Variants in MED16 observed in about 807,000 individuals in gnomAD.
The protein encoded by MED16 is mediator of RNA polymerase II transcription subunit 16.
In MED16, 81 loss-of-function variants were observed where a neutral mutation model predicts 84.4. The ratio of observed to expected loss-of-function variants is 0.96; its 90% confidence interval spans 0.80 to 1.15. MED16 has a LOEUF of 1.15. Among genes scored for constraint, MED16 ranks in the 50% most tolerant of loss-of-function variants. The pLI, the probability that MED16 is intolerant of heterozygous loss-of-function variation, is 0.00. For synonymous variants in MED16, 897 were observed against 552.2 expected (o/e 1.62, Z -8.76); for missense variants, 1,585 against 1,245.9 (o/e 1.27, Z -4.10).
At chr19:873,423 G>C in intron 11 of MED16, 26 bp downstream of exon 11, 1 of 1,597,660 alleles carries the variant, frequency 6.3e-7, no homozygotes, top group South Asian at 1.1e-5. Context: ...GTGGGGGGCG[G>C]GGCCTTAGGG....
At chr19:878,913 ACCAGCCCCGGCC>A (rs150802169) in intron 8 of MED16, among the ~76,000 whole-genome samples, 3,398 of 80,560 alleles carry the variant, frequency 0.042, 17 homozygotes, top group East Asian at 0.23. Flanking sequence ...GTCAATGTCC[ACCAGCCCCGGCC>A]CCGGCCCCGG....
Position 871,954 on chromosome 19 carries a change from G to C in MED16, c.2070C>G (p.Phe690Leu), listed in dbSNP as rs558363657. 25 of 1,604,822 alleles carry C rather than the reference G, an allele frequency of 1.6e-5. No homozygotes were observed. Among genetic ancestry groups the C allele is most frequent in the Non-Finnish European group, 2.1e-5 (25 of 1,176,810 alleles). ...AGATCCAGAGCTTGGTGAGCAGGCG[G>C]AAGAGCAGGGACATGCTGTCCTGGG... is the stretch of plus-strand genomic sequence containing the variant. ...SDTQDSMSLL[F>L]RLLTKLWICC... The change falls in exon 12 of 16, where the codon TTC (phenylalanine) becomes TTG (leucine). Residue 690 changes from phenylalanine to leucine, a missense_variant. Phe to Leu is a conservative substitution (Grantham distance 22, BLOSUM62 0). Coordinates refer to ENST00000325464, the MANE Select transcript of MED16 (RefSeq NM_005481.3).
chr19:871,525 C>G (rs924495812), intron 12 of MED16: 20 of 1,564,826 alleles, frequency 1.3e-5, no homozygotes, highest in Non-Finnish European at 1.7e-5. Context: ...GTGCCTTTTC[C>G]AGACACTGGG....
chr19:889,860 C>T (rs1599346254), intron 3 of MED16, 53 bp from the exon 4 acceptor site: 3 of 1,542,956 alleles, frequency 1.9e-6, no homozygotes, highest in African/African-American at 1.4e-5. Context: ...CAGAGCACTG[C>T]GTTGCAGGAC....
chr19:875,623 C>T (rs1305910071), intron 9 of MED16, among the ~76,000 whole-genome samples, 169 bp from the exon 10 acceptor site: 2 of 152,216 alleles, frequency 1.3e-5, no homozygotes, highest in Non-Finnish European at 2.9e-5. Flanking sequence ...TGCGGAAGAC[C>T]AGGCGCACAG....
intron 8 of MED16, among the ~76,000 whole-genome samples, chr19:879,492 C>G (rs936758894): frequency 1.2e-4 from 9 of 75,612 alleles, no homozygotes; most frequent in South Asian, 9.9e-4. Flanking sequence ...AGCCCCAGCC[C>G]CACGTGCCCC....
At position 881,572 on chromosome 19, in the gene MED16, G is replaced by A. The variant is rs774417679; in HGVS notation, c.1128C>T (p.Phe376=). 46 of 1,612,076 alleles carry A rather than the reference G, an allele frequency of 2.9e-5. No homozygotes were observed. The Middle Eastern group carries it at 5.1e-4, about 18-fold the overall frequency. ...TDLKVASDTQ[F]YPGLGLALAF... is the part of the protein sequence containing the mutation. ...GCTCCACCGTACCGAGGCCAGGGTA[G>A]AACTGTGTGTCGCTGGCCACCTTGA... The change falls in exon 7 of 16, where the codon TTC becomes TTT. Residue 376 remains phenylalanine (F), a synonymous_variant. Transcript: ENST00000325464.
In MED16 at chr19:871,221, C is replaced by CGT; in HGVS notation, c.2129_2130dup (p.Glu711ThrfsTer107). 1 of 1,545,732 alleles carries CGT rather than the reference C, an allele frequency of 6.5e-7. No homozygotes were observed. Among genetic ancestry groups the CGT allele is most frequent in the Non-Finnish European group, 8.7e-7 (1 of 1,143,202 alleles). ...AGGCAGCATTCATCCACCAGCGCCT[C>CGT]GTCCGGCTCGCTCGCTGGGCCCTCA... On this transcript the variant is annotated frameshift_variant, in exon 13 of 16. Coordinates refer to ENST00000325464, the MANE Select transcript of MED16 (RefSeq NM_005481.3). LOFTEE classifies it high-confidence loss of function.
At chr19:883,522 G>C (rs1337361665) in intron 6 of MED16, among the ~76,000 whole-genome samples, 1 of 152,140 alleles carries the variant, frequency 6.6e-6, no homozygotes, top group Admixed American at 6.5e-5. Flanking sequence ...AGAGATGGGT[G>C]CGGTGGGGAC....
chr19:886,030 A>G lies in MED16; in HGVS notation c.619T>C (p.Cys207Arg). 1 of 1,597,772 alleles carries G rather than the reference A, an allele frequency of 6.3e-7. No homozygotes were observed. The highest frequency in any genetic ancestry group is 8.5e-7 in the Non-Finnish European group (1 of 1,174,998). Residue 207 changes from cysteine to arginine, a missense_variant, in exon 5 of 16, where the codon TGC (cysteine) becomes CGC (arginine). Cys to Arg is a radical substitution (Grantham distance 180, BLOSUM62 -3). Transcript: ENST00000325464. ...GQVLTSTESL[C>R]RLRGRVALAD... ...AGGGCCACGCGGCCGCGCAGCCGGC[A>G]CAGGCTCTCGGTGGACGTCAGCACC... is the stretch of plus-strand genomic sequence containing the variant.
intron 13 of MED16, among the ~76,000 whole-genome samples, chr19:870,142 G>A (rs1248318742): frequency 1.3e-5 from 2 of 152,196 alleles, no homozygotes; most frequent in Non-Finnish European, 2.9e-5. Context: ...TGGGCCATAT[G>A]CTAAGGCGTC....
chr19:871,304 C>T (rs947151572), intron 12 of MED16, 51 bp from the exon 13 acceptor site: 57 of 1,490,532 alleles, frequency 3.8e-5, no homozygotes, highest in East Asian at 7.5e-5. Context: ...GGGCACCGCC[C>T]GGCCACCCGG....
rs781591784 is a variant in MED16, at chr19:873,443, G to T, written c.1905+6C>A. 1.9e-6 allele frequency: 3 copies of T among 1,606,040 alleles called. No individual in the cohort carries two copies. In the Admixed American group the frequency reaches 5.0e-5, roughly 27 times the overall value. On this transcript the variant is annotated splice_donor_region_variant and intron_variant, in intron 11 of 15. Coordinates refer to ENST00000325464, the MANE Select transcript of MED16 (RefSeq NM_005481.3). ...GGGCGGGGCCTTAGGGGAGAGCATG[G>T]CGCACCTGGTTGGGTAGGCTGGCCA...
At chr19:871,478 A>C (rs2036053366) in intron 12 of MED16, 199 of 1,356,504 alleles carry the variant, frequency 1.5e-4, no homozygotes, top group Non-Finnish European at 1.8e-4. Context: ...CTGTCATGAG[A>C]CTCCCTCATT....
Position 868,838 on chromosome 19 carries a change from G to A in MED16, c.2399+25C>T, listed in dbSNP as rs757139920. ...CATCCCCAGCGGCACATCTCTGGGA[G>A]TCAGCGGTTCCGGGGGCCCCTCACC... On this transcript the variant is annotated intron_variant, in intron 14 of 15. Transcript: ENST00000325464. The A allele has an allele frequency of 5.2e-6, 8 of 1,542,716 alleles. No individual in the cohort carries two copies. In the South Asian group the frequency reaches 6.0e-5, roughly 11 times the overall value.
chr19:880,191 A>G (rs751482017), intron 7 of MED16, 43 bp from the exon 8 acceptor site: 1 of 1,539,940 alleles, frequency 6.5e-7, no homozygotes, highest in Non-Finnish European at 8.7e-7. Context: ...AGGGCCCAGG[A>G]CACGCCCGCC....
rs562827905 is a variant in MED16, at chr19:871,704, G to C, written c.2098+222C>G. The C allele has an allele frequency of 5.5e-6, 8 of 1,444,034 alleles. No homozygotes were observed. The South Asian group carries it at 8.0e-5, about 14-fold the overall frequency. 89.5% of individuals were successfully genotyped at this position (1,444,034 alleles called of 1,614,324 possible). A position where few individuals can be genotyped will look rare whatever the true frequency, so the allele number is the denominator to read the frequency against. Reference sequence around the variant, plus strand: ...TATCAAGGCAGAGCCACTGCCACCTGCAGGGGCTTATGTTCTGGCGGGGGG... The same window carrying C: ...TATCAAGGCAGAGCCACTGCCACCTCCAGGGGCTTATGTTCTGGCGGGGGG... On this transcript the variant is annotated intron_variant, in intron 12 of 15. Coordinates refer to ENST00000325464, the MANE Select transcript of MED16 (RefSeq NM_005481.3).
At position 884,980 on chromosome 19, in the gene MED16, C is replaced by T. The variant is rs1456674484; in HGVS notation, c.908G>A (p.Ser303Asn). 1.5e-5 allele frequency: 24 copies of T among 1,606,072 alleles called. No homozygotes were observed. Among genetic ancestry groups the T allele is most frequent in the Non-Finnish European group, 5.1e-6 (6 of 1,178,442 alleles). ...CAGGGACCAGCACTCCACGATGCTG[C>T]TGGTCTGGCTGGACGCGCACAAAAG... ...QVLLCASSQTSSIVECWSLRK... is the reference protein window; with the variant it reads ...QVLLCASSQTNSIVECWSLRK... The change falls in exon 6 of 16, where the codon AGC becomes AAC. Residue 303 changes from serine (S) to asparagine (N), a missense_variant. By Grantham distance (46) the Ser-to-Asn change is conservative. Coordinates refer to ENST00000325464, the MANE Select transcript of MED16 (RefSeq NM_005481.3).
At position 880,078 on chromosome 19, in the gene MED16, G is replaced by T. The variant is rs35695678; in HGVS notation, c.1212C>A (p.Val404=). 964 of 1,610,962 alleles carry T rather than the reference G, an allele frequency of 6.0e-4. 4 individuals carry two copies. In the African/African-American group the frequency reaches 0.012, roughly 19 times the overall value. The change falls in exon 8 of 16, where the codon GTC becomes GTA. Residue 404 remains valine (V), a synonymous_variant. Coordinates refer to ENST00000325464, the MANE Select transcript of MED16 (RefSeq NM_005481.3). The part of the protein sequence containing the change: ...VHRLSLQTMA[V]FYSSAAPRPV... ...GCCTCGGGGCCGCGGAGCTGTAGAA[G>T]ACGGCCATGGTCTGCAGTGAGAGCC...
Sources: allele counts gnomAD v4.1 joint callset (sites outside exome capture counted in the v4.1 genomes callset), GRCh38; gene constraint gnomAD v4.1.1; transcripts MANE v1.5; gene names NCBI Gene and HGNC (gene_info 2026-07-23, HGNC 2026-07-21).